Variants in IST1 observed in about 807,000 individuals in gnomAD.
IST1 encodes IST1 factor associated with ESCRT-III, also known as IST1 homolog.
Under a neutral mutation model 37.0 loss-of-function variants are expected in IST1, and 23 were observed. The observed-to-expected ratio is 0.62, with a 90% confidence interval of 0.45 to 0.88. The LOEUF is 0.88. Among genes scored for constraint, IST1 ranks in the 40% least tolerant of loss-of-function variants. The probability of loss-of-function intolerance (pLI) is 0.00; values close to 1 mark genes in which losing one functional copy is unlikely to be tolerated. For missense variants in IST1, 488 were observed against 445.4 expected (o/e 1.10, Z -0.86); for synonymous variants, 180 against 161.7 (o/e 1.11, Z -0.86).
intron 9 of IST1, among the ~76,000 whole-genome samples, chr16:71,925,604 G>A (rs1048402662): frequency 1.3e-5 from 2 of 152,016 alleles, no homozygotes; most frequent in Non-Finnish European, 2.9e-5. Context: ...ATGAGCCACC[G>A]TGCCCGGCCA....
chr16:71,896,577 C>G (rs949948861), intron 1 of IST1, among the ~76,000 whole-genome samples: 1 of 152,160 alleles, frequency 6.6e-6, no homozygotes, highest in African/African-American at 2.4e-5. Flanking sequence ...ATATTTCCCT[C>G]TCCTTTCCCA....
chr16:71,930,235 T>A lies in IST1; in HGVS notation c.*2422T>A. The A allele has an allele frequency of 6.7e-7, 1 of 1,485,932 alleles. No individual in the cohort carries two copies. Among genetic ancestry groups the A allele is most frequent in the Non-Finnish European group, 9.0e-7 (1 of 1,112,982 alleles). 92.0% of individuals were successfully genotyped at this position (1,485,932 alleles called of 1,614,324 possible). ...GTGACTGACAATTTAGTTTATACTT[T>A]ACAAACATAAGCTATATGCTAGTGT... On this transcript the variant is annotated 3_prime_UTR_variant, in exon 10 of 10. Coordinates refer to ENST00000378799, the MANE Select transcript of IST1 (RefSeq NM_001270975.2).
intron 1 of IST1, among the ~76,000 whole-genome samples, chr16:71,898,552 C>T (rs571437618): frequency 1.3e-4 from 19 of 150,732 alleles, no homozygotes; most frequent in Non-Finnish European, 2.5e-4. Context: ...GGCATGGTGG[C>T]GGGCGCCTGT....
rs569537036 is a variant in IST1 at position 71,902,369 on chromosome 16, A to G, written c.-16+6780A>G. 2.6e-5 allele frequency among the ~76,000 whole-genome samples: 4 copies of G among 152,152 alleles called. No individual in the cohort carries two copies. In the East Asian group the frequency reaches 7.7e-4, roughly 29 times the overall value. Reference sequence around the variant, plus strand: ...ACTGCAACCTCCACCTCCTGGGTTCAAGCAATTCTTCTGCCTCAGCCTCCC... The same window carrying G: ...ACTGCAACCTCCACCTCCTGGGTTCGAGCAATTCTTCTGCCTCAGCCTCCC... On this transcript the variant is annotated intron_variant, in intron 1 of 9. Coordinates refer to ENST00000378799, the MANE Select transcript of IST1 (RefSeq NM_001270975.2).
chr16:71,927,876 CAAAG>C lies in IST1; in HGVS notation c.*66_*69del. On this transcript the variant is annotated 3_prime_UTR_variant, in exon 10 of 10. Coordinates refer to ENST00000378799, the MANE Select transcript of IST1 (RefSeq NM_001270975.2). ...GAGACTGAGCAATTTCTCCTTGTAA[CAAAG>C]AATCTCCATGAAATTCTGTTTCATC... 2 of 1,124,214 alleles carry C rather than the reference CAAAG, an allele frequency of 1.8e-6. No homozygotes were observed. The highest frequency in any genetic ancestry group is 2.7e-6 in the Non-Finnish European group (2 of 747,742). The allele number at this position is 1,124,214 out of a possible 1,614,324, so 69.6% of individuals were successfully genotyped here.
chr16:71,930,229 A>ATACTT lies in IST1; in HGVS notation c.*2420_*2424dup. 3 of 1,497,536 alleles carry ATACTT rather than the reference A, an allele frequency of 2.0e-6. No homozygotes were observed. The highest frequency in any genetic ancestry group is 2.6e-5 in the South Asian group (2 of 76,652). The allele number at this position is 1,497,536 out of a possible 1,614,324, so 92.8% of individuals were successfully genotyped here. A position where few individuals can be genotyped will look rare whatever the true frequency, so the allele number is the denominator to read the frequency against. ...CTTGCAGTGACTGACAATTTAGTTT[A>ATACTT]TACTTTACAAACATAAGCTATATGC... On this transcript the variant is annotated 3_prime_UTR_variant, in exon 10 of 10. Transcript: ENST00000378799.
intron 9 of IST1, among the ~76,000 whole-genome samples, chr16:71,927,199 CTAGA>C: frequency 6.6e-6 from 1 of 152,176 alleles, no homozygotes; most frequent in Middle Eastern, 3.2e-3. Context: ...TTATTAGCCT[CTAGA>C]ATTAACTTTT....
intron 1 of IST1, among the ~76,000 whole-genome samples, chr16:71,905,844 CA>C (rs1390654637): frequency 6.6e-6 from 1 of 152,142 alleles, no homozygotes; most frequent in African/African-American, 2.4e-5. Context: ...CTCTATCAGA[CA>C]GTACTGGTTT....
At chr16:71,907,237 T>C (rs1251804766) in intron 1 of IST1, among the ~76,000 whole-genome samples, 1 of 151,786 alleles carries the variant, frequency 6.6e-6, no homozygotes, top group Non-Finnish European at 1.5e-5. Context: ...TTTTAAATAA[T>C]GTTTTTAAAG....
In IST1 at chr16:71,917,102, C is replaced by T; in HGVS notation, c.325C>T (p.Arg109Ter). Residue 109 changes from arginine (R) to a stop codon, truncating the protein, a stop_gained, in exon 4 of 10, where the codon CGA (arginine) becomes TGA (stop). Coordinates refer to ENST00000378799, the MANE Select transcript of IST1 (RefSeq NM_001270975.2). LOFTEE classifies it high-confidence loss of function. ...SVSTLIWAAP[R>*]LQSEVAELKI... is the part of the protein sequence containing the mutation. ...GTCTACATTGATCTGGGCTGCTCCTCGACTCCAGTCAGAAGTGGCTGAGTT... is the reference window on the plus strand; with the variant it reads ...GTCTACATTGATCTGGGCTGCTCCTTGACTCCAGTCAGAAGTGGCTGAGTT... 2 of 1,611,934 alleles carry T rather than the reference C, an allele frequency of 1.2e-6. No homozygotes were observed. Among genetic ancestry groups the T allele is most frequent in the Non-Finnish European group, 1.7e-6 (2 of 1,178,632 alleles).
chr16:71,903,909 A>G (rs1473534121), intron 1 of IST1, among the ~76,000 whole-genome samples: 3 of 152,110 alleles, frequency 2.0e-5, no homozygotes, highest in African/African-American at 7.2e-5. Flanking sequence ...TCTAACTATA[A>G]TTAGATTTAT....
At chr16:71,913,243 A>G (rs1005693214) in intron 1 of IST1, among the ~76,000 whole-genome samples, 3 of 149,840 alleles carry the variant, frequency 2.0e-5, no homozygotes, top group African/African-American at 7.4e-5. Flanking sequence ...CAAGGGTTCC[A>G]TTTTCTCCAC....
intron 1 of IST1, among the ~76,000 whole-genome samples, chr16:71,915,202 T>C (rs1026302171): frequency 3.3e-5 from 5 of 152,176 alleles, no homozygotes; most frequent in African/African-American, 4.8e-5. Flanking sequence ...GCCATCCCTG[T>C]TGAGATTTTT....
chr16:71,929,272 G>T lies in IST1; in HGVS notation c.*1459G>T. 1 of 312,896 alleles carries T rather than the reference G, an allele frequency of 3.2e-6. No homozygotes were observed. 19.4% of individuals were successfully genotyped at this position (312,896 alleles called of 1,614,324 possible). On this transcript the variant is annotated 3_prime_UTR_variant, in exon 10 of 10. Coordinates refer to ENST00000378799, the MANE Select transcript of IST1 (RefSeq NM_001270975.2). ...AGTTGCAGTGAGCTCACTTCTGACT[G>T]CTTCATTTCCCGCAGCCATCCTGGG...
At chr16:71,904,469 C>G (rs4788578) in intron 1 of IST1, among the ~76,000 whole-genome samples, 50,684 of 152,126 alleles carry the variant, frequency 0.33, 9,096 homozygotes, top group East Asian at 0.65. Context: ...CTGGAGTGCA[C>G]TTGCACAAAC....
chr16:71,903,546 A>G (rs1268506640), intron 1 of IST1: 1 of 152,106 alleles, frequency 6.6e-6, no homozygotes, highest in Non-Finnish European at 1.5e-5. Flanking sequence ...CTTCAATTCT[A>G]TTTAATTTGG....
rs1309720977 is a variant in IST1 at position 71,922,431 on chromosome 16, C to T, written c.553-43C>T. On this transcript the variant is annotated intron_variant, in intron 6 of 9. Coordinates refer to ENST00000378799, the MANE Select transcript of IST1 (RefSeq NM_001270975.2). ...GACTCCGCTTTCTGGGGAACCTGGC[C>T]TTGGACATGGGTTAATGACCTGGGT... 6.4e-6 allele frequency: 10 copies of T among 1,558,866 alleles called. No homozygotes were observed. In the East Asian group the frequency reaches 1.8e-4, roughly 28 times the overall value.
intron 9 of IST1, among the ~76,000 whole-genome samples, chr16:71,926,993 A>G (rs192830870): frequency 3.9e-5 from 6 of 152,332 alleles, no homozygotes; most frequent in Admixed American, 2.0e-4. Context: ...TGTTTGTTCT[A>G]TCAGAATCCT....
At chr16:71,927,562 A>T in intron 9 of IST1, 52 bp from the exon 10 acceptor site, 24 of 1,229,982 alleles carry the variant, frequency 2.0e-5, no homozygotes, top group Middle Eastern at 1.9e-4. Context: ...GCCAAAGGGG[A>T]TCTGAGTCAT....
Sources: gnomAD v4.1 joint callset for allele counts (sites outside exome capture counted in the v4.1 genomes callset) on GRCh38, gnomAD v4.1.1 for gene constraint, MANE v1.5 for transcripts, NCBI Gene and HGNC (gene_info 2026-07-23, HGNC 2026-07-21) for gene names.